Variants in PRR16 observed in about 807,000 individuals in gnomAD.
PRR16 encodes the protein protein Largen.
A neutral mutation model predicts 18.2 loss-of-function variants in PRR16; 6 were observed. That is an observed-to-expected ratio of 0.33 (90% CI 0.18 to 0.65). The LOEUF (loss-of-function observed/expected upper bound fraction) is 0.65. Among genes scored for constraint, PRR16 ranks in the 30% least tolerant of loss-of-function variants. PRR16 has a pLI of 0.74. For missense variants in PRR16, 412 were observed against 376.6 expected (o/e 1.09, Z -0.78); for synonymous variants, 151 against 147.8 (o/e 1.02, Z -0.16).
intron 1 of PRR16, among the ~76,000 whole-genome samples, chr5:120,610,111 C>T (rs920869090): frequency 5.3e-5 from 8 of 152,180 alleles, no homozygotes; most frequent in East Asian, 1.9e-4. Context: ...ATTTCCTTTT[C>T]GGTGGGGGGA....
chr5:120,591,820 G>A (rs76595713), intron 1 of PRR16, among the ~76,000 whole-genome samples: 8,930 of 152,064 alleles, frequency 0.059, 360 homozygotes, highest in South Asian at 0.084. Context: ...GAGATTAATC[G>A]TGTTGTAAAT....
the PRR16 span, among the ~76,000 whole-genome samples, chr5:120,733,045 C>T: frequency 2.0e-5 from 3 of 152,190 alleles, no homozygotes; most frequent in African/African-American, 7.2e-5. Flanking sequence ...TGAGTGGCCT[C>T]ACCCAACATA....
At chr5:120,597,030 T>C (rs997619410) in intron 1 of PRR16, among the ~76,000 whole-genome samples, 107 of 149,904 alleles carry the variant, frequency 7.1e-4, no homozygotes, top group African/African-American at 2.6e-3. Context: ...TTCTAATTTT[T>C]CTTATTAAGG....
chr5:120,521,782 A>G (rs1203993139), intron 1 of PRR16, among the ~76,000 whole-genome samples: 1 of 152,040 alleles, frequency 6.6e-6, no homozygotes, highest in Non-Finnish European at 1.5e-5. Flanking sequence ...TTAACTCGTC[A>G]TTTACATTAG....
the PRR16 span, among the ~76,000 whole-genome samples, chr5:120,716,238 G>A: frequency 6.6e-6 from 1 of 152,112 alleles, no homozygotes; most frequent in Non-Finnish European, 1.5e-5. Context: ...TTTATGACCA[G>A]CAGAGATCTG....
chr5:120,775,794 CTATTTTTT>C, the PRR16 span, among the ~76,000 whole-genome samples: 1 of 122,570 alleles, frequency 8.2e-6, no homozygotes, highest in Non-Finnish European at 1.6e-5. Context: ...CTACGCCTGG[CTATTTTTT>C]TTTTTTTTTT....
chr5:120,632,450 G>A (rs944330517), intron 1 of PRR16, among the ~76,000 whole-genome samples: 2 of 151,938 alleles, frequency 1.3e-5, no homozygotes, highest in Admixed American at 6.6e-5. Context: ...CCAGAGAAAG[G>A]TGAAGTCAAA....
the PRR16 span, among the ~76,000 whole-genome samples, chr5:120,729,733 G>A: frequency 1.3e-5 from 2 of 152,106 alleles, no homozygotes; most frequent in Non-Finnish European, 2.9e-5. Context: ...GTCTTAGAAA[G>A]TTCCTCACAA....
the PRR16 span, among the ~76,000 whole-genome samples, chr5:120,764,273 T>G: frequency 6.6e-6 from 1 of 152,112 alleles, no homozygotes; most frequent in African/African-American, 2.4e-5. Flanking sequence ...CATGAAATCA[T>G]ATTGAATTTT....
chr5:120,748,200 G>C, the PRR16 span, among the ~76,000 whole-genome samples: 3 of 151,916 alleles, frequency 2.0e-5, no homozygotes, highest in Non-Finnish European at 4.4e-5. Flanking sequence ...TTGCTTCTTT[G>C]CACCTATTTT....
the PRR16 span, among the ~76,000 whole-genome samples, chr5:120,736,537 C>CTTTT: frequency 3.3e-3 from 177 of 54,006 alleles, 10 homozygotes; most frequent in African/African-American, 8.5e-3. Flanking sequence ...AGTGTAAAGG[C>CTTTT]TTTTTTTTTT....
At chr5:120,504,579 C>A (rs143938333) in intron 1 of PRR16, among the ~76,000 whole-genome samples, 1 of 152,018 alleles carries the variant, frequency 6.6e-6, no homozygotes, top group African/African-American at 2.4e-5. Context: ...TCGCCCTTCA[C>A]GGGGTTGACA....
rs1012166336 is a variant in PRR16 at position 120,618,876 on chromosome 5, A to G, written c.160-67078A>G. Among the ~76,000 whole-genome samples the G allele has an allele frequency of 2.0e-5, 3 of 152,190 alleles. No individual in the cohort carries two copies. The East Asian group carries it at 5.8e-4, about 29-fold the overall frequency. ...GAATTCCTGAGACCTTATTCAATGGAATTCATAAGACGTTCACCTGACCTA... is the reference window on the plus strand; with the variant it reads ...GAATTCCTGAGACCTTATTCAATGGGATTCATAAGACGTTCACCTGACCTA... On this transcript the variant is annotated intron_variant, in intron 1 of 1. Coordinates refer to ENST00000407149, the MANE Select transcript of PRR16 (RefSeq NM_001300783.2).
intron 1 of PRR16, among the ~76,000 whole-genome samples, chr5:120,610,814 G>A (rs1754310717): frequency 1.3e-5 from 2 of 152,126 alleles, no homozygotes. Flanking sequence ...ATAGAGTGGG[G>A]TATTACTGAA....
chr5:120,667,659 T>C (rs1334519368), intron 1 of PRR16, among the ~76,000 whole-genome samples: 1 of 151,880 alleles, frequency 6.6e-6, no homozygotes, highest in Non-Finnish European at 1.5e-5. Context: ...GTTGTGTCTT[T>C]GTTCTCGTTG....
chr5:120,762,971 A>G, the PRR16 span, among the ~76,000 whole-genome samples: 3 of 152,060 alleles, frequency 2.0e-5, no homozygotes, highest in East Asian at 5.8e-4. Flanking sequence ...GTCTAGTGTC[A>G]TTTTTCTGCA....
chr5:120,731,019 C>T, the PRR16 span, among the ~76,000 whole-genome samples: 3 of 152,072 alleles, frequency 2.0e-5, no homozygotes, highest in Non-Finnish European at 2.9e-5. Context: ...ATAAATTATA[C>T]ACCAGAACAG....
chr5:120,573,353 G>A (rs369007164), intron 1 of PRR16, among the ~76,000 whole-genome samples: 17 of 152,276 alleles, frequency 1.1e-4, no homozygotes, highest in African/African-American at 3.8e-4. Context: ...ATAAATTCCA[G>A]TGTTAAAACT....
At chr5:120,734,220 C>T in the PRR16 span, among the ~76,000 whole-genome samples, 1 of 152,276 alleles carries the variant, frequency 6.6e-6, no homozygotes, top group Non-Finnish European at 1.5e-5. Context: ...CGGTGACCAT[C>T]TGGGCTTCCC....
Sources: allele counts gnomAD v4.1 joint callset (sites outside exome capture counted in the v4.1 genomes callset), GRCh38; gene constraint gnomAD v4.1.1; transcripts MANE v1.5; gene names NCBI Gene and HGNC (gene_info 2026-07-23, HGNC 2026-07-21).